APBA2: variants seen among roughly 807,000 people sequenced by gnomAD.
APBA2 encodes the protein amyloid beta precursor protein binding family A member 2.
APBA2 carries 30 observed loss-of-function variants against 75.0 expected under a neutral mutation model. That is an observed-to-expected ratio of 0.40 (90% confidence interval 0.30 to 0.54). The LOEUF is 0.54. Ranked by LOEUF, APBA2 falls within the 20% of genes least tolerant of loss-of-function variation. APBA2 has a pLI of 0.49. For synonymous variants in APBA2, 444 were observed against 409.6 expected (o/e 1.08, Z -1.01); for missense variants, 801 against 1,016.1 (o/e 0.79, Z 2.88).
intron 4 of APBA2, among the ~76,000 whole-genome samples, chr15:29,064,799 A>G (rs540722598): frequency 1.3e-5 from 2 of 152,266 alleles, no homozygotes; most frequent in East Asian, 3.9e-4. Context: ...GGACATTAGG[A>G]AGGCCAGATG....
intron 1 of APBA2, among the ~76,000 whole-genome samples, chr15:28,903,281 G>T (rs2032964042): frequency 1.3e-5 from 2 of 152,190 alleles, no homozygotes; most frequent in African/African-American, 4.8e-5. Context: ...GGTGATATTG[G>T]TCACGATAGA....
intron 4 of APBA2, chr15:29,070,811 G>A (rs2042586907): frequency 3.4e-6 from 1 of 289,994 alleles, no homozygotes; most frequent in African/African-American, 2.2e-5. Context: ...GGTGGAGGAA[G>A]AAGTCCCTGT....
At chr15:28,998,106 C>G (rs902164714) in intron 3 of APBA2, among the ~76,000 whole-genome samples, 1 of 151,956 alleles carries the variant, frequency 6.6e-6, no homozygotes, top group Non-Finnish European at 1.5e-5. Context: ...AATACTAATC[C>G]CTGTGATGTG....
chr15:29,029,660 T>C (rs2040390191), intron 3 of APBA2, among the ~76,000 whole-genome samples: 1 of 148,188 alleles, frequency 6.7e-6, no homozygotes, highest in African/African-American at 2.5e-5. Context: ...TGTGGTATCG[T>C]GGGGGTGGAG....
At chr15:28,942,821 G>A (rs2035310311) in intron 2 of APBA2, among the ~76,000 whole-genome samples, 1 of 152,206 alleles carries the variant, frequency 6.6e-6, no homozygotes, top group African/African-American at 2.4e-5. Flanking sequence ...TCCCTGCAGG[G>A]AGAGAGAGAA....
At chr15:28,964,694 G>A (rs1232368251) in intron 2 of APBA2, among the ~76,000 whole-genome samples, 1 of 151,926 alleles carries the variant, frequency 6.6e-6, no homozygotes, top group Non-Finnish European at 1.5e-5. Context: ...CACCATGTTG[G>A]CCAGGCTGGT....
intron 2 of APBA2, among the ~76,000 whole-genome samples, chr15:28,945,880 A>C (rs1266777442): frequency 6.6e-6 from 1 of 152,190 alleles, no homozygotes; most frequent in African/African-American, 2.4e-5. Context: ...CTGTGTTTAC[A>C]GCCGTCTTAG....
At chr15:29,098,124 G>A (rs1034352766) in intron 8 of APBA2, among the ~76,000 whole-genome samples, 1 of 152,138 alleles carries the variant, frequency 6.6e-6, no homozygotes, top group Non-Finnish European at 1.5e-5. Context: ...GAGTGCAGGT[G>A]TCTCCTAGAC....
At chr15:29,113,817 G>A (rs1567033195) in intron 13 of APBA2, 59 bp from the exon 14 acceptor site, 3 of 1,593,394 alleles carry the variant, frequency 1.9e-6, no homozygotes, top group African/African-American at 2.7e-5. Context: ...TGGGGACGTG[G>A]TGGAGCGCCT....
chr15:29,110,129 G>A (rs2044650776), intron 13 of APBA2, among the ~76,000 whole-genome samples: 2 of 152,240 alleles, frequency 1.3e-5, no homozygotes, highest in African/African-American at 4.8e-5. Flanking sequence ...GGATGGGCAT[G>A]GCTGGGCCCC....
chr15:29,069,150 G>A (rs1407024028), intron 4 of APBA2, among the ~76,000 whole-genome samples: 2 of 152,176 alleles, frequency 1.3e-5, no homozygotes, highest in African/African-American at 2.4e-5. Context: ...TCATCATCAT[G>A]TTTTCAGGGT....
At chr15:28,992,982 C>T (rs1218006888) in intron 2 of APBA2, among the ~76,000 whole-genome samples, 2 of 152,142 alleles carry the variant, frequency 1.3e-5, no homozygotes, top group Non-Finnish European at 2.9e-5. Flanking sequence ...CACAAACAGC[C>T]GAGGGGGACT....
intron 3 of APBA2, among the ~76,000 whole-genome samples, chr15:29,052,501 C>T (rs1278615414): frequency 6.6e-6 from 1 of 150,438 alleles, no homozygotes. Context: ...TTTGGACGTC[C>T]TCTGTGCCAC....
chr15:29,059,922 C>T (rs1331640287), intron 4 of APBA2, among the ~76,000 whole-genome samples: 1 of 152,176 alleles, frequency 6.6e-6, no homozygotes, highest in Non-Finnish European at 1.5e-5. Context: ...AGCGGAGACA[C>T]CAGCCAGCCT....
intron 3 of APBA2, 81 bp from the exon 4 acceptor site, chr15:29,053,764 G>A: frequency 1.2e-6 from 1 of 821,056 alleles, no homozygotes; most frequent in Non-Finnish European, 1.9e-6. Flanking sequence ...CGTGGTGGGA[G>A]GTGCTGTGGT....
chr15:29,072,777 C>T (rs541701818), intron 4 of APBA2, among the ~76,000 whole-genome samples: 18 of 152,196 alleles, frequency 1.2e-4, no homozygotes, highest in African/African-American at 4.3e-4. Context: ...TCTGGCTAGG[C>T]CTGTGAGCCC....
intron 3 of APBA2, among the ~76,000 whole-genome samples, chr15:29,017,569 C>G (rs1300191644): frequency 6.6e-6 from 1 of 152,056 alleles, no homozygotes; most frequent in Non-Finnish European, 1.5e-5. Context: ...AGCAATTTCA[C>G]CATGTTGGCC....
At chr15:29,106,851 C>T in intron 12 of APBA2, 32 bp downstream of exon 12, 1 of 1,588,668 alleles carries the variant, frequency 6.3e-7, no homozygotes, top group South Asian at 1.1e-5. Flanking sequence ...GCCCAGGGGT[C>T]ACCTCAACCC....
chr15:28,914,843 T>G (rs1294982528), intron 1 of APBA2, among the ~76,000 whole-genome samples: 23 of 151,920 alleles, frequency 1.5e-4, no homozygotes, highest in Non-Finnish European at 5.9e-5. Context: ...AGCCTGGCCT[T>G]GGCTGAGGTC....
Sources: gnomAD v4.1 joint callset for allele counts (sites outside exome capture counted in the v4.1 genomes callset) on GRCh38, gnomAD v4.1.1 for gene constraint, MANE v1.5 for transcripts, NCBI Gene and HGNC (gene_info 2026-07-23, HGNC 2026-07-21) for gene names.